The following PDZRN4 variants were observed in gnomAD, a reference collection of about 807,000 sequenced individuals.
PDZRN4 encodes the protein PDZ domain-containing RING finger protein 4.
Under a neutral mutation model 99.0 loss-of-function variants are expected in PDZRN4, and 70 were observed. The ratio of observed to expected loss-of-function variants is 0.71; its 90% CI spans 0.58 to 0.86. PDZRN4 has a LOEUF of 0.86. Ranked by LOEUF, PDZRN4 falls within the 40% of genes least tolerant of loss-of-function variation. The pLI, the probability that PDZRN4 is intolerant of heterozygous loss-of-function variation, is 0.00. For missense variants in PDZRN4, 1,474 were observed against 1,331.2 expected, an observed-to-expected ratio of 1.11 and a Z score of -1.67; for synonymous variants, 551 against 501.6, an observed-to-expected ratio of 1.10 and a Z score of -1.32.
intron 3 of PDZRN4, among the ~76,000 whole-genome samples, chr12:41,287,806 C>T (rs1050682657): frequency 2.6e-5 from 4 of 152,172 alleles, no homozygotes; most frequent in Non-Finnish European, 5.9e-5. Context: ...ACTCCCCAAC[C>T]CCCTTCAGTG....
At chr12:41,529,699 T>C (rs1296578443) in intron 5 of PDZRN4, among the ~76,000 whole-genome samples, 1 of 152,216 alleles carries the variant, frequency 6.6e-6, no homozygotes, top group Non-Finnish European at 1.5e-5. Context: ...GACTCTACTC[T>C]TCCTATGTTT....
intron 3 of PDZRN4, among the ~76,000 whole-genome samples, chr12:41,291,378 G>A (rs918793580): frequency 2.6e-5 from 4 of 152,110 alleles, no homozygotes; most frequent in South Asian, 2.1e-4. Context: ...TTTCTTGGAT[G>A]TAGCCAGAAT....
At chr12:41,273,714 A>G (rs565915912) in intron 3 of PDZRN4, among the ~76,000 whole-genome samples, 1 of 152,150 alleles carries the variant, frequency 6.6e-6, no homozygotes, top group Admixed American at 6.6e-5. Flanking sequence ...ATGACTGAAC[A>G]TAAAATCTTA....
chr12:41,314,385 C>G (rs1265687555), intron 3 of PDZRN4, among the ~76,000 whole-genome samples: 1 of 152,186 alleles, frequency 6.6e-6, no homozygotes, highest in Non-Finnish European at 1.5e-5. Flanking sequence ...GATATCAAGA[C>G]TAGTTCACAG....
At chr12:41,535,472 C>T (rs1938732949) in intron 5 of PDZRN4, among the ~76,000 whole-genome samples, 1 of 152,140 alleles carries the variant, frequency 6.6e-6, no homozygotes, top group Admixed American at 6.5e-5. Context: ...CCATAAGGCC[C>T]AGTTTATTAT....
At chr12:41,354,925 A>G (rs563297496) in intron 3 of PDZRN4, among the ~76,000 whole-genome samples, 17 of 152,232 alleles carry the variant, frequency 1.1e-4, no homozygotes, top group African/African-American at 3.8e-4. Context: ...AATTCAATGT[A>G]TATTTCCATG....
At chr12:41,356,134 G>C (rs1951925464) in intron 3 of PDZRN4, among the ~76,000 whole-genome samples, 1 of 151,890 alleles carries the variant, frequency 6.6e-6, no homozygotes, top group Admixed American at 6.6e-5. Context: ...CAAGATGTAA[G>C]AATAAACATA....
intron 3 of PDZRN4, among the ~76,000 whole-genome samples, chr12:41,308,602 CTTGA>C (rs1270912147): frequency 6.6e-6 from 1 of 152,082 alleles, no homozygotes; most frequent in Non-Finnish European, 1.5e-5. Context: ...ATATTGTCAA[CTTGA>C]TTGTCTTTAT....
At position 41,240,982 on chromosome 12, in the gene PDZRN4, T is replaced by C. The variant is rs12316978; in HGVS notation, c.843+46794T>C. ...CTAATTCTGTATTGATTATGGATTA[T>C]GAAGTTTTAGAGTGGTAAAACTTCA... On this transcript the variant is annotated intron_variant, in intron 3 of 9. Transcript: ENST00000402685. Among the ~76,000 whole-genome samples the C allele has an allele frequency of 4.9e-3, 750 of 152,284 alleles. 8 individuals carry two copies. The highest frequency in any genetic ancestry group is 0.017 in the African/African-American group (707 of 41,564).
At chr12:41,529,086 G>T (rs572304745) in intron 5 of PDZRN4, among the ~76,000 whole-genome samples, 2 of 152,034 alleles carry the variant, frequency 1.3e-5, no homozygotes, top group Non-Finnish European at 1.5e-5. Flanking sequence ...CAGAATCTCC[G>T]CATTTTAGCC....
chr12:41,515,599 A>G (rs1210481155), intron 5 of PDZRN4, among the ~76,000 whole-genome samples: 1 of 151,946 alleles, frequency 6.6e-6, no homozygotes, highest in African/African-American at 2.4e-5. Flanking sequence ...TGTCACCACC[A>G]TTTTCTCAAA....
chr12:41,398,146 A>C (rs1952263363), intron 3 of PDZRN4, among the ~76,000 whole-genome samples: 1 of 152,190 alleles, frequency 6.6e-6, no homozygotes, highest in South Asian at 2.1e-4. Context: ...TCTACTCTCA[A>C]TATGACAATA....
At chr12:41,379,284 T>C (rs1316422398) in intron 3 of PDZRN4, among the ~76,000 whole-genome samples, 1 of 150,942 alleles carries the variant, frequency 6.6e-6, no homozygotes, top group Admixed American at 6.6e-5. Flanking sequence ...TAGGTAAAGT[T>C]TCATCAATTT....
chr12:41,283,268 T>C (rs1475209069), intron 3 of PDZRN4, among the ~76,000 whole-genome samples: 3 of 152,110 alleles, frequency 2.0e-5, no homozygotes, highest in Non-Finnish European at 2.9e-5. Flanking sequence ...TCTGGAAGAA[T>C]GGATAAATTC....
At chr12:41,283,121 A>T (rs1229003508) in intron 3 of PDZRN4, among the ~76,000 whole-genome samples, 1 of 151,818 alleles carries the variant, frequency 6.6e-6, no homozygotes, top group Admixed American at 6.6e-5. Context: ...AATTAGCCAG[A>T]CTAATTAAGA....
chr12:41,363,825 C>T (rs996377982), intron 3 of PDZRN4, among the ~76,000 whole-genome samples: 14 of 152,046 alleles, frequency 9.2e-5, no homozygotes, highest in Admixed American at 6.6e-4. Flanking sequence ...CAGAAAATGA[C>T]GACTACCTTC....
intron 3 of PDZRN4, among the ~76,000 whole-genome samples, chr12:41,428,944 G>A (rs974092030): frequency 6.6e-6 from 1 of 152,182 alleles, no homozygotes; most frequent in African/African-American, 2.4e-5. Context: ...CCAAGGCAAT[G>A]CTCAAACCTC....
At chr12:41,464,816 T>C (rs1952908873) in intron 3 of PDZRN4, among the ~76,000 whole-genome samples, 1 of 146,132 alleles carries the variant, frequency 6.8e-6, no homozygotes, top group Admixed American at 7.0e-5. Flanking sequence ...TAGTGCCTGT[T>C]GTACTTTTTT....
intron 3 of PDZRN4, among the ~76,000 whole-genome samples, chr12:41,457,395 G>C (rs540191482): frequency 6.6e-6 from 1 of 152,122 alleles, no homozygotes; most frequent in South Asian, 2.1e-4. Context: ...TGAATAATCC[G>C]AACTAAATTT....
Sources: allele counts gnomAD v4.1 joint callset (sites outside exome capture counted in the v4.1 genomes callset), GRCh38; gene constraint gnomAD v4.1.1; transcripts MANE v1.5; gene names NCBI Gene and HGNC (gene_info 2026-07-23, HGNC 2026-07-21).